HAS2: variants seen among roughly 807,000 people sequenced by gnomAD.
The protein encoded by HAS2 is HA synthase 2.
A neutral mutation model predicts 51.6 loss-of-function variants in HAS2; 16 were observed. The observed-to-expected ratio is 0.31, with a 90% CI of 0.21 to 0.47. HAS2 has a LOEUF of 0.47. Among genes scored for constraint, HAS2 ranks in the 20% least tolerant of loss-of-function variants. The pLI, the probability that HAS2 is intolerant of heterozygous loss-of-function variation, is 1.00. For synonymous variants in HAS2, 228 were observed against 235.5 expected (o/e 0.97, Z 0.29); for missense variants, 361 against 662.6 (o/e 0.54, Z 5.00).
chr8:121,622,478 T>C (rs1812786425), intron 2 of HAS2, among the ~76,000 whole-genome samples: 1 of 152,080 alleles, frequency 6.6e-6, no homozygotes, highest in Non-Finnish European at 1.5e-5. Context: ...CCTCATAAGT[T>C]TGTTGTAATT....
intron 1 of HAS2, among the ~76,000 whole-genome samples, chr8:121,631,000 G>A (rs1014902531): frequency 6.6e-6 from 1 of 152,174 alleles, no homozygotes; most frequent in East Asian, 1.9e-4. Context: ...GTATGGCCAA[G>A]TCATTCCAGG....
intron 2 of HAS2, among the ~76,000 whole-genome samples, chr8:121,626,432 C>A (rs1284796351): frequency 1.3e-5 from 2 of 152,166 alleles, no homozygotes; most frequent in African/African-American, 2.4e-5. Flanking sequence ...TCTCTCTCCA[C>A]AGTTAAGCAG....
chr8:121,632,252 T>G (rs59119892), intron 1 of HAS2, among the ~76,000 whole-genome samples: 1 of 152,148 alleles, frequency 6.6e-6, no homozygotes, highest in Non-Finnish European at 1.5e-5. Flanking sequence ...TCTTTATAAT[T>G]TCCCCTGGGC....
At chr8:121,627,844 G>A (rs1361945905) in intron 2 of HAS2, among the ~76,000 whole-genome samples, 1 of 152,126 alleles carries the variant, frequency 6.6e-6, no homozygotes, top group Non-Finnish European at 1.5e-5. Flanking sequence ...ACATCCCAGT[G>A]CCTTTCTTAA....
chr8:121,614,058 C>T lies in HAS2; in HGVS notation c.*51G>A, dbSNP rs781283653. ...CTGATGCCACAATACTGTACAGCCC[C>T]TAGAGGAACTAAGGTGTTGTGTGTG... On this transcript the variant is annotated 3_prime_UTR_variant, in exon 4 of 4. Transcript: ENST00000303924. This position sits in a 1 kb window ranked among gnomAD's most constrained non-coding sequence, Gnocchi z 7.2. The T allele has an allele frequency of 1.2e-6, 2 of 1,612,738 alleles. No homozygotes were observed. Among genetic ancestry groups the T allele is most frequent in the South Asian group, 2.2e-5 (2 of 90,910 alleles).
At chr8:121,631,066 A>C (rs547537665) in intron 1 of HAS2, among the ~76,000 whole-genome samples, 2 of 152,138 alleles carry the variant, frequency 1.3e-5, no homozygotes, top group South Asian at 4.2e-4. Flanking sequence ...AAGAGAATAT[A>C]CCTCCTCTCA....
At chr8:121,618,755 G>A (rs1264299976) in intron 2 of HAS2, among the ~76,000 whole-genome samples, 2 of 152,130 alleles carry the variant, frequency 1.3e-5, no homozygotes, top group African/African-American at 4.8e-5. Context: ...CAGAGACTGA[G>A]TATTTATTAT....
Position 121,640,905 on chromosome 8 carries a change from G to C in HAS2, c.-53C>G, listed in dbSNP as rs1262861971. ...TCCTCAGCCTGTCTGTGTGGTCCCG[G>C]AGGGTCGGTGGCGGGCAGTTTCCAA... On this transcript the variant is annotated 5_prime_UTR_variant, in exon 1 of 4. Transcript: ENST00000303924. 6.6e-6 allele frequency: 1 copy of C among 151,972 alleles called. No homozygotes were observed. The highest frequency in any genetic ancestry group is 2.4e-5 in the African/African-American group (1 of 41,364). The allele number at this position is 151,972 out of a possible 1,614,324, so 9.4% of individuals were successfully genotyped here. A position where few individuals can be genotyped will look rare whatever the true frequency, so the allele number is the denominator to read the frequency against.
rs765494592 is a variant in HAS2 at position 121,614,673 on chromosome 8, A to G, written c.1095T>C (p.Asn365=). Residue 365 remains asparagine (N), a synonymous_variant, in exon 4 of 4, where the codon AAT becomes AAC. Coordinates refer to ENST00000303924, the MANE Select transcript of HAS2 (RefSeq NM_005328.3). The surrounding 1 kb of genome is among the most constrained non-coding windows in gnomAD (Gnocchi z 7.2). ...AGTGATGTTTGTGAAACCACATTGC[A>G]TTGTACAGCCATTCTCGGAAGTAGG... ...SKSYFREWLY[N]AMWFHKHHLW... is the part of the protein sequence containing the mutation. 4 of 1,614,200 alleles carry G rather than the reference A, an allele frequency of 2.5e-6. No homozygotes were observed. Among genetic ancestry groups the G allele is most frequent in the Non-Finnish European group, 3.4e-6 (4 of 1,180,014 alleles).
intron 3 of HAS2, 35 bp downstream of exon 3, chr8:121,617,070 T>G (rs945981578): frequency 3.5e-6 from 4 of 1,157,368 alleles, no homozygotes; most frequent in Non-Finnish European, 5.2e-6. Flanking sequence ...AAGTATTTCA[T>G]GCAAAACAAA....
chr8:121,617,387 T>C (rs1812717958), intron 2 of HAS2, among the ~76,000 whole-genome samples, 181 bp from the exon 3 acceptor site: 1 of 152,182 alleles, frequency 6.6e-6, no homozygotes, highest in Admixed American at 6.5e-5. Context: ...GAGCCTATTT[T>C]TCAGCAAACT....
At chr8:121,631,262 T>A (rs2130447911) in intron 1 of HAS2, among the ~76,000 whole-genome samples, 1 of 152,266 alleles carries the variant, frequency 6.6e-6, no homozygotes, top group South Asian at 2.1e-4. Flanking sequence ...GTTTGTCCAT[T>A]ATGCATTTGG....
At chr8:121,633,557 G>A (rs1812964729) in intron 1 of HAS2, among the ~76,000 whole-genome samples, 1 of 152,182 alleles carries the variant, frequency 6.6e-6, no homozygotes, top group Admixed American at 6.5e-5. Context: ...ATGTGGAAAC[G>A]ACCTAAAGAG....
chr8:121,640,420 A>AGT (rs10578731), intron 1 of HAS2, among the ~76,000 whole-genome samples: 1,517 of 148,420 alleles, frequency 0.01, 20 homozygotes, highest in African/African-American at 0.024. Flanking sequence ...TTCTCCCCAC[A>AGT]GTGTGTGTGT....
chr8:121,613,119 A>G lies in HAS2; in HGVS notation c.*990T>C, dbSNP rs1812658965. 6.6e-6 allele frequency: 1 copy of G among 152,156 alleles called. No individual in the cohort carries two copies. Among genetic ancestry groups the G allele is most frequent in the African/African-American group, 2.4e-5 (1 of 41,440 alleles). The allele number at this position is 152,156 out of a possible 1,614,324, so 9.4% of individuals were successfully genotyped here. ...GGGAAAACACTGCCAGAATCTCCAA[A>G]GATTATTCATCTTTGATACCCATGT... On this transcript the variant is annotated 3_prime_UTR_variant, in exon 4 of 4. Transcript: ENST00000303924.
In HAS2 at chr8:121,640,941, A is replaced by G. The variant is rs1206534439; in HGVS notation, c.-89T>C. The G allele has an allele frequency of 2.0e-5, 3 of 151,974 alleles. No homozygotes were observed. The highest frequency in any genetic ancestry group is 1.9e-4 in the East Asian group (1 of 5,152). The allele number at this position is 151,974 out of a possible 1,614,324, so 9.4% of individuals were successfully genotyped here. A position where few individuals can be genotyped will look rare whatever the true frequency, so the allele number is the denominator to read the frequency against. On this transcript the variant is annotated 5_prime_UTR_variant, in exon 1 of 4. Coordinates refer to ENST00000303924, the MANE Select transcript of HAS2 (RefSeq NM_005328.3). ...GCGGGCAGTTTCCAAAATTGAGGTAATAAGAGATCAGATGAATTTGAGACG... is the reference window on the plus strand; with the variant it reads ...GCGGGCAGTTTCCAAAATTGAGGTAGTAAGAGATCAGATGAATTTGAGACG...
chr8:121,630,693 A>G (rs1812917596), intron 1 of HAS2, among the ~76,000 whole-genome samples: 1 of 152,226 alleles, frequency 6.6e-6, no homozygotes, highest in Non-Finnish European at 1.5e-5. Flanking sequence ...TTTATTTTAA[A>G]TAGAAACTTA....
At chr8:121,640,445 G>GTGTGTGT (rs1563625799) in intron 1 of HAS2, among the ~76,000 whole-genome samples, 1 of 150,830 alleles carries the variant, frequency 6.6e-6, no homozygotes, top group Admixed American at 6.6e-5. Context: ...GTGTGTGTGT[G>GTGTGTGT]GGAAAAAAAG....
intron 2 of HAS2, among the ~76,000 whole-genome samples, chr8:121,621,943 A>AAG (rs1247115679): frequency 6.6e-6 from 1 of 152,112 alleles, no homozygotes; most frequent in East Asian, 1.9e-4. Flanking sequence ...GGCTGCCTCC[A>AAG]ATGAGGAAAC....
Sources: allele counts gnomAD v4.1 joint callset (sites outside exome capture counted in the v4.1 genomes callset), GRCh38; gene constraint gnomAD v4.1.1; non-coding constraint Gnocchi (gnomAD v3.1); transcripts MANE v1.5; gene names NCBI Gene and HGNC (gene_info 2026-07-23, HGNC 2026-07-21).